Variants in FAM135B observed in about 807,000 individuals in gnomAD.
FAM135B encodes the protein protein FAM135B.
A neutral mutation model predicts 127.7 loss-of-function variants in FAM135B; 43 were observed. That is an observed-to-expected ratio of 0.34 (90% CI 0.26 to 0.43). FAM135B has a LOEUF of 0.43. Ranked by LOEUF, FAM135B falls within the 20% of genes least tolerant of loss-of-function variation. The pLI is 1.00. For synonymous variants in FAM135B, 670 were observed against 665.1 expected (o/e 1.01, Z -0.11); for missense variants, 1,558 against 1,725.6 (o/e 0.90, Z 1.72).
intron 1 of FAM135B, among the ~76,000 whole-genome samples, chr8:138,473,608 C>A (rs1814199834): frequency 6.6e-6 from 1 of 152,168 alleles, no homozygotes; most frequent in Non-Finnish European, 1.5e-5. Flanking sequence ...CAGATTCAGC[C>A]TAATATCCTC....
rs367669466 is a variant in FAM135B, at chr8:138,414,717, A to T, written c.-19-46715T>A. Among the ~76,000 whole-genome samples, 11 of 152,294 alleles carry T rather than the reference A, an allele frequency of 7.2e-5. No homozygotes were observed. The South Asian group carries it at 8.3e-4, about 11-fold the overall frequency. The stretch of plus-strand genomic sequence containing the variant: ...AGTTTGATTGGACTAAGAGAATCTG[A>T]GACAGAGTCAAAGGGGAAGTGAAGA... On this transcript the variant is annotated intron_variant, in intron 1 of 19. Transcript: ENST00000395297.
chr8:138,323,913 G>A (rs542440728), intron 2 of FAM135B, among the ~76,000 whole-genome samples: 1 of 152,292 alleles, frequency 6.6e-6, no homozygotes, highest in East Asian at 1.9e-4. Context: ...CATAATTGAA[G>A]GTTCCTTAAT....
chr8:138,378,048 T>C (rs947414183), intron 1 of FAM135B, among the ~76,000 whole-genome samples: 5 of 152,226 alleles, frequency 3.3e-5, no homozygotes, highest in Admixed American at 1.3e-4. Context: ...CTCCCAATCT[T>C]GGGTCTCACT....
intron 7 of FAM135B, among the ~76,000 whole-genome samples, chr8:138,225,037 C>T (rs1317028903): frequency 6.6e-6 from 1 of 152,050 alleles, no homozygotes; most frequent in Admixed American, 6.6e-5. Flanking sequence ...GCATGGTGAC[C>T]ACAGTTAATG....
chr8:138,246,370 C>T (rs148782549), intron 6 of FAM135B, among the ~76,000 whole-genome samples: 2,142 of 152,216 alleles, frequency 0.014, 16 homozygotes, highest in Middle Eastern at 0.027. Context: ...GGGACCAGGG[C>T]CCCCTTGCTG....
At position 138,152,377 on chromosome 8, in the gene FAM135B, C is replaced by T. The variant is rs1201599758; in HGVS notation, c.2098G>A (p.Ala700Thr). The change falls in exon 13 of 20, where the codon GCC (alanine) becomes ACC (threonine). Residue 700 changes from alanine (A) to threonine (T), a missense_variant. Ala to Thr is a moderately conservative substitution (Grantham distance 58). Around this residue, in one of 5 missense-constraint regions of FAM135B, gnomAD observed 923 missense variants for 865.3 expected, o/e 1.07. Transcript: ENST00000395297. Reference sequence around the variant, plus strand: ...GGCAACTCCAGAGCCCTGCTTCGGGCCTCTGACCAGGCGACGGAGCTTGGC... The same window carrying T: ...GGCAACTCCAGAGCCCTGCTTCGGGTCTCTGACCAGGCGACGGAGCTTGGC... ...SEPSSVAWSE[A>T]RSRALELPSD... 1 of 1,614,162 alleles carries T rather than the reference C, an allele frequency of 6.2e-7. No individual in the cohort carries two copies. Among genetic ancestry groups the T allele is most frequent in the Non-Finnish European group, 8.5e-7 (1 of 1,180,048 alleles).
At chr8:138,161,553 C>T (rs763772078) in intron 12 of FAM135B, among the ~76,000 whole-genome samples, 1 of 152,170 alleles carries the variant, frequency 6.6e-6, no homozygotes, top group Non-Finnish European at 1.5e-5. Flanking sequence ...TCCACATGGT[C>T]TTAGCAGAAG....
chr8:138,489,196 C>T (rs148581995), intron 1 of FAM135B, among the ~76,000 whole-genome samples: 2 of 152,292 alleles, frequency 1.3e-5, no homozygotes, highest in South Asian at 2.1e-4. Context: ...TGAAACTCCA[C>T]GCATTCAAAA....
At chr8:138,359,510 A>G (rs1162051249) in intron 2 of FAM135B, among the ~76,000 whole-genome samples, 1 of 152,222 alleles carries the variant, frequency 6.6e-6, no homozygotes, top group Non-Finnish European at 1.5e-5. Context: ...GTTCACCTGC[A>G]TGCTGACTGC....
In FAM135B at chr8:138,241,676, A is replaced by G. The variant is rs1202738903; in HGVS notation, c.669+1266T>C. 6.6e-6 allele frequency among the ~76,000 whole-genome samples: 1 copy of G among 152,186 alleles called. No individual in the cohort carries two copies. Among genetic ancestry groups the G allele is most frequent in the Non-Finnish European group, 1.5e-5 (1 of 68,036 alleles). Reference sequence around the variant, plus strand: ...CTTTTGCGGGGCTGACTGGGCATGGACAGTTTATCACACTTATAATGTGGG... The same window carrying G: ...CTTTTGCGGGGCTGACTGGGCATGGGCAGTTTATCACACTTATAATGTGGG... On this transcript the variant is annotated intron_variant, in intron 7 of 19. Coordinates refer to ENST00000395297, the MANE Select transcript of FAM135B (RefSeq NM_015912.4). This position sits in a 1 kb window ranked among gnomAD's most constrained non-coding sequence, Gnocchi z 4.8.
At chr8:138,229,234 C>T (rs1281454202) in intron 7 of FAM135B, among the ~76,000 whole-genome samples, 3 of 152,100 alleles carry the variant, frequency 2.0e-5, no homozygotes, top group Non-Finnish European at 4.4e-5. Flanking sequence ...TCTTTGGCAC[C>T]TTCTTCATGG....
chr8:138,301,586 A>G (rs1167868982), intron 3 of FAM135B, among the ~76,000 whole-genome samples: 1 of 152,130 alleles, frequency 6.6e-6, no homozygotes, highest in Non-Finnish European at 1.5e-5. Flanking sequence ...CACTCATTCA[A>G]CAAATACACA....
In FAM135B at chr8:138,151,842, A is replaced by T. The variant is rs2130745184; in HGVS notation, c.2633T>A (p.Leu878His). ...TATGACGCGTGGTATTTTTAAATTA[A>T]GACCTTTGGTTTCAACACCTGGAGT... ...ENTPGVETKGLNLKIPRVIAL... is the reference protein window; with the variant it reads ...ENTPGVETKGHNLKIPRVIAL... The change falls in exon 13 of 20, where the codon CTT (leucine) becomes CAT (histidine). Residue 878 changes from leucine to histidine, a missense_variant. Leu to His is a moderately conservative substitution (Grantham distance 99). Coordinates refer to ENST00000395297, the MANE Select transcript of FAM135B (RefSeq NM_015912.4). 6.2e-7 allele frequency: 1 copy of T among 1,614,176 alleles called. No homozygotes were observed. Among genetic ancestry groups the T allele is most frequent in the Non-Finnish European group, 8.5e-7 (1 of 1,180,034 alleles).
intron 19 of FAM135B, among the ~76,000 whole-genome samples, chr8:138,134,516 A>G (rs1198412336): frequency 1.3e-5 from 2 of 152,156 alleles, no homozygotes; most frequent in Admixed American, 6.5e-5. Flanking sequence ...GCAAACTCTT[A>G]TATGTTTTCT....
intron 1 of FAM135B, among the ~76,000 whole-genome samples, chr8:138,462,360 A>G (rs969991348): frequency 2.6e-5 from 4 of 152,184 alleles, no homozygotes; most frequent in African/African-American, 9.7e-5. Context: ...AGCAAGTTAC[A>G]TCTAAGTTCT....
chr8:138,446,700 C>A (rs1456806995), intron 1 of FAM135B, among the ~76,000 whole-genome samples: 2 of 151,906 alleles, frequency 1.3e-5, no homozygotes, highest in Non-Finnish European at 2.9e-5. Context: ...ACCATAAAAA[C>A]CCTAGAAGAA....
chr8:138,182,407 C>T (rs1815136101), intron 9 of FAM135B, among the ~76,000 whole-genome samples: 1 of 152,124 alleles, frequency 6.6e-6, no homozygotes, highest in Non-Finnish European at 1.5e-5. Context: ...CTGAAACTCC[C>T]TGAAAAAAGG....
chr8:138,203,829 G>A (rs1315957020), intron 7 of FAM135B, among the ~76,000 whole-genome samples: 2 of 152,156 alleles, frequency 1.3e-5, no homozygotes, highest in African/African-American at 4.8e-5. Flanking sequence ...ATAGCCCTGA[G>A]CTTGTTTTTC....
At chr8:138,459,733 G>C (rs1384063447) in intron 1 of FAM135B, among the ~76,000 whole-genome samples, 2 of 152,130 alleles carry the variant, frequency 1.3e-5, no homozygotes, top group Non-Finnish European at 2.9e-5. Flanking sequence ...TGCAGCCAAA[G>C]CTCCTATACT....
Sources: allele counts gnomAD v4.1 joint callset (sites outside exome capture counted in the v4.1 genomes callset), GRCh38; gene constraint gnomAD v4.1.1; regional missense constraint gnomAD v4.1.1; non-coding constraint Gnocchi (gnomAD v3.1); transcripts MANE v1.5; gene names NCBI Gene and HGNC (gene_info 2026-07-23, HGNC 2026-07-21).